MARCHF1: variants seen among roughly 807,000 people sequenced by gnomAD.
The protein encoded by MARCHF1 is E3 ubiquitin-protein ligase MARCHF1.
MARCHF1 carries 40 observed loss-of-function variants against 54.2 expected under a neutral mutation model. The observed-to-expected ratio is 0.74, with a 90% CI of 0.57 to 0.96. The LOEUF (loss-of-function observed/expected upper bound fraction) is 0.96. MARCHF1 is among the 40% of genes least tolerant of loss of function. MARCHF1 has a pLI of 0.00. For synonymous variants in MARCHF1, 236 were observed against 236.3 expected (o/e 1.00, Z 0.01); for missense variants, 586 against 656.5 (o/e 0.89, Z 1.17).
At chr4:163,635,747 G>GGCCA (rs1428835197) in intron 5 of MARCHF1, among the ~76,000 whole-genome samples, 7 of 152,040 alleles carry the variant, frequency 4.6e-5, no homozygotes, top group Admixed American at 2.6e-4. Context: ...CATTTCATGA[G>GGCCA]GCCAGCATCA....
At chr4:163,546,978 G>A (rs1237094407) in intron 8 of MARCHF1, among the ~76,000 whole-genome samples, 1 of 151,978 alleles carries the variant, frequency 6.6e-6, no homozygotes, top group Non-Finnish European at 1.5e-5. Context: ...TTTATTAGAC[G>A]TGAACTGACA....
intron 1 of MARCHF1, among the ~76,000 whole-genome samples, chr4:164,175,392 G>C (rs562515301): frequency 1.1e-4 from 17 of 152,012 alleles, no homozygotes; most frequent in Non-Finnish European, 2.1e-4. Flanking sequence ...GTAAAATTGA[G>C]GTCTTCTCAA....
At chr4:164,346,918 A>G (rs996233507) in intron 1 of MARCHF1, among the ~76,000 whole-genome samples, 2 of 152,036 alleles carry the variant, frequency 1.3e-5, no homozygotes, top group Non-Finnish European at 2.9e-5. Flanking sequence ...GTAAATGTAA[A>G]TACAAAATAT....
chr4:163,959,343 C>CA (rs1233257527), intron 3 of MARCHF1, among the ~76,000 whole-genome samples: 4 of 148,846 alleles, frequency 2.7e-5, no homozygotes, highest in African/African-American at 1.0e-4. Flanking sequence ...AAAAAAAAAA[C>CA]AACAAAAAAA....
At chr4:163,857,228 A>G (rs1749793713) in intron 3 of MARCHF1, among the ~76,000 whole-genome samples, 1 of 151,784 alleles carries the variant, frequency 6.6e-6, no homozygotes. Context: ...TTTGGATCAC[A>G]TTTCAAAAAT....
intron 8 of MARCHF1, among the ~76,000 whole-genome samples, chr4:163,569,509 G>A (rs1470511222): frequency 6.6e-6 from 1 of 152,088 alleles, no homozygotes; most frequent in Non-Finnish European, 1.5e-5. Context: ...TTCTCATCAT[G>A]TTCCAGATAT....
At chr4:163,665,554 G>C (rs1743502196) in intron 5 of MARCHF1, among the ~76,000 whole-genome samples, 2 of 152,122 alleles carry the variant, frequency 1.3e-5, no homozygotes, top group Admixed American at 6.5e-5. Context: ...TGTGATAACA[G>C]TCAGTGTTCG....
At chr4:164,197,489 C>G (rs1731309467) in intron 1 of MARCHF1, 5 of 1,613,446 alleles carry the variant, frequency 3.1e-6, no homozygotes, top group Non-Finnish European at 4.2e-6. Flanking sequence ...ACTTCCAGGC[C>G]CCCTGAGACT....
chr4:163,886,405 A>T (rs1386695044), intron 3 of MARCHF1, among the ~76,000 whole-genome samples: 1 of 151,788 alleles, frequency 6.6e-6, no homozygotes, highest in East Asian at 1.9e-4. Context: ...GGGGAGGGAG[A>T]TGAATGTGTG....
At chr4:163,812,105 C>T (rs1391241382) in intron 4 of MARCHF1, among the ~76,000 whole-genome samples, 1 of 123,446 alleles carries the variant, frequency 8.1e-6, no homozygotes, top group African/African-American at 3.1e-5. Flanking sequence ...GTTCTCAAGC[C>T]ATCAGACCCT....
intron 4 of MARCHF1, among the ~76,000 whole-genome samples, chr4:163,701,562 C>T (rs918769277): frequency 6.6e-6 from 1 of 152,058 alleles, no homozygotes; most frequent in Non-Finnish European, 1.5e-5. Context: ...AGTAGTTGGG[C>T]CCTCCCGTTT....
chr4:164,203,845 G>T (rs576194547), intron 1 of MARCHF1, among the ~76,000 whole-genome samples: 1 of 152,142 alleles, frequency 6.6e-6, no homozygotes, highest in African/African-American at 2.4e-5. Context: ...AAACAAAAAA[G>T]CTGAGACTGA....
chr4:164,143,140 T>G (rs1337844980), intron 1 of MARCHF1, among the ~76,000 whole-genome samples: 1 of 149,380 alleles, frequency 6.7e-6, no homozygotes, highest in East Asian at 2.0e-4. Flanking sequence ...TAAAAAGAAA[T>G]GAGCAAAGCC....
intron 2 of MARCHF1, among the ~76,000 whole-genome samples, chr4:164,019,470 T>TG (rs1456266197): frequency 1.3e-5 from 2 of 152,182 alleles, no homozygotes; most frequent in South Asian, 2.1e-4. Flanking sequence ...TTTGCTCTCT[T>TG]GTCTGTGAGC....
chr4:163,581,166 G>A (rs1325872429), intron 8 of MARCHF1, among the ~76,000 whole-genome samples: 2 of 152,056 alleles, frequency 1.3e-5, no homozygotes, highest in East Asian at 1.9e-4. Context: ...GTGGCACAGT[G>A]CAATGAGCAC....
At chr4:163,560,652 T>C (rs1313160648) in intron 8 of MARCHF1, among the ~76,000 whole-genome samples, 1 of 152,172 alleles carries the variant, frequency 6.6e-6, no homozygotes, top group South Asian at 2.1e-4. Flanking sequence ...TTCCAACCCA[T>C]GACAATAATA....
intron 1 of MARCHF1, among the ~76,000 whole-genome samples, chr4:164,283,319 T>C (rs1359589135): frequency 4.6e-5 from 7 of 150,912 alleles, no homozygotes; most frequent in African/African-American, 1.7e-4. Context: ...AGGTTCAGTA[T>C]GTCATTCTTT....
intron 3 of MARCHF1, among the ~76,000 whole-genome samples, chr4:163,856,271 A>G (rs890269929): frequency 1.3e-5 from 2 of 152,322 alleles, no homozygotes; most frequent in African/African-American, 2.4e-5. Context: ...TTATTTTAGG[A>G]TTATTAGCTA....
intron 8 of MARCHF1, among the ~76,000 whole-genome samples, chr4:163,558,976 C>T (rs775200142): frequency 2.0e-5 from 3 of 152,140 alleles, no homozygotes; most frequent in Non-Finnish European, 4.4e-5. Context: ...CACTTCCTCT[C>T]CTCTTATTTA....
Sources: gnomAD v4.1 joint callset for allele counts (sites outside exome capture counted in the v4.1 genomes callset) on GRCh38, gnomAD v4.1.1 for gene constraint, MANE v1.5 for transcripts, NCBI Gene and HGNC (gene_info 2026-07-23, HGNC 2026-07-21) for gene names.